EDA: variants seen among roughly 807,000 people sequenced by gnomAD.
EDA encodes the protein ectodysplasin A, also known as ectodysplasin-A.
In EDA, 2 loss-of-function variants were observed where a neutral mutation model predicts 23.6. The observed-to-expected ratio is 0.08, with a 90% confidence interval of 0.03 to 0.27. The LOEUF is 0.27. EDA is among the 10% of genes least tolerant of loss of function. The probability of loss-of-function intolerance (pLI) is 1.00; values close to 1 mark genes in which losing one functional copy is unlikely to be tolerated. For missense variants in EDA, 229 were observed against 324.2 expected (o/e 0.71, Z 2.26); for synonymous variants, 131 against 132.0 (o/e 0.99, Z 0.05).
At chrX:69,729,779 T>C (rs2012951564) in intron 1 of EDA, among the ~76,000 whole-genome samples, 1 of 111,189 alleles carries the variant, frequency 9.0e-6, no homozygotes, top group African/African-American at 3.3e-5. Context: ...CTTGGGATCT[T>C]TGCACTTTCT....
chrX:69,753,057 T>A (rs1460235262), intron 1 of EDA, among the ~76,000 whole-genome samples: 1 of 111,980 alleles, frequency 8.9e-6, no homozygotes, highest in African/African-American at 3.2e-5. Context: ...TTTGAAGGGT[T>A]TTTTGTGTCT....
chrX:69,844,006 A>G (rs2147564639), intron 1 of EDA, among the ~76,000 whole-genome samples: 1 of 85,219 alleles, frequency 1.2e-5, no homozygotes, highest in African/African-American at 4.2e-5. Context: ...TGGGCGACAG[A>G]GCAAGACTCT....
Position 69,741,035 on chromosome X carries a change from T to C in EDA, c.396+124331T>C, listed in dbSNP as rs765008235. Among the ~76,000 whole-genome samples, 8 of 109,599 alleles carry C rather than the reference T, an allele frequency of 7.3e-5. 1 individual carries two copies. The South Asian group carries it at 3.0e-3, about 42-fold the overall frequency. On this transcript the variant is annotated intron_variant, in intron 1 of 7. Coordinates refer to ENST00000374552, the MANE Select transcript of EDA (RefSeq NM_001399.5). ...TATAGAAAATATATATGTAATATAT[T>C]ATATGCAATTTCTGTGTATTATTGG...
At position 70,035,351 on chromosome X, in the gene EDA, C is replaced by A; in HGVS notation, c.925-7C>A. The A allele has an allele frequency of 8.3e-7, 1 of 1,208,169 alleles. No individual in the cohort carries two copies. Among genetic ancestry groups the A allele is most frequent in the Non-Finnish European group, 1.1e-6 (1 of 893,916 alleles). Reference sequence around the variant, plus strand: ...TCCCCAATCCCTTCTTGTTGCCTCTCACTCAGGTATACTACATCAACTTCA... The same window carrying A: ...TCCCCAATCCCTTCTTGTTGCCTCTAACTCAGGTATACTACATCAACTTCA... On this transcript the variant is annotated splice_region_variant and splice_polypyrimidine_tract_variant and intron_variant, in intron 7 of 7. Transcript: ENST00000374552.
intron 1 of EDA, among the ~76,000 whole-genome samples, chrX:69,904,708 T>G (rs772791324): frequency 8.9e-6 from 1 of 112,171 alleles, no homozygotes; most frequent in South Asian, 3.7e-4. Context: ...GGTAACCAGA[T>G]CATTTTACTC....
Position 69,829,858 on chromosome X carries a change from T to C in EDA, c.397-127169T>C, listed in dbSNP as rs1051214707. 6.2e-5 allele frequency among the ~76,000 whole-genome samples: 7 copies of C among 112,183 alleles called. No homozygotes were observed. In the East Asian group the frequency reaches 1.9e-3, roughly 31 times the overall value. On this transcript the variant is annotated intron_variant, in intron 1 of 7. Transcript: ENST00000374552. ...AATTTCATTCATTATATGTGGGTGCTATATTAACATCAAACCACATTTCTC... is the reference window on the plus strand; with the variant it reads ...AATTTCATTCATTATATGTGGGTGCCATATTAACATCAAACCACATTTCTC...
At chrX:69,923,880 C>T (rs755971494) in intron 1 of EDA, among the ~76,000 whole-genome samples, 38 of 111,555 alleles carry the variant, frequency 3.4e-4, no homozygotes, top group Non-Finnish European at 6.0e-4. Context: ...GGCATGAGAT[C>T]GTATCTCATT....
chrX:69,709,406 A>T (rs2011875450), intron 1 of EDA, among the ~76,000 whole-genome samples: 1 of 111,790 alleles, frequency 8.9e-6, no homozygotes, highest in Admixed American at 9.5e-5. Context: ...GTCAGTCTTG[A>T]GTATGGTCTT....
chrX:69,787,875 C>A (rs1411070094), intron 1 of EDA, among the ~76,000 whole-genome samples: 1 of 111,608 alleles, frequency 9.0e-6, no homozygotes, highest in Non-Finnish European at 1.9e-5. Flanking sequence ...TGGATAATAT[C>A]CTGCAGAGTG....
chrX:69,703,616 A>G (rs1387456231), intron 1 of EDA, among the ~76,000 whole-genome samples: 1 of 111,972 alleles, frequency 8.9e-6, no homozygotes, highest in Non-Finnish European at 1.9e-5. Flanking sequence ...CTGTAAACAG[A>G]AAGTGTCTCA....
At chrX:70,023,177 C>A in intron 2 of EDA, 41 bp from the exon 3 acceptor site, 2 of 925,873 alleles carry the variant, frequency 2.2e-6, no homozygotes, top group South Asian at 4.2e-5. Flanking sequence ...ATTTTCTGTT[C>A]ATTTCCAATG....
intron 1 of EDA, among the ~76,000 whole-genome samples, chrX:69,785,622 C>T (rs1271323721): frequency 2.7e-5 from 3 of 110,377 alleles, no homozygotes; most frequent in Non-Finnish European, 5.7e-5. Flanking sequence ...TTGAACCAGC[C>T]TTGCATCCCA....
At chrX:69,679,915 G>A (rs1346458546) in intron 1 of EDA, among the ~76,000 whole-genome samples, 2 of 104,390 alleles carry the variant, frequency 1.9e-5, no homozygotes, top group Non-Finnish European at 3.9e-5. Flanking sequence ...GTGATGTTAG[G>A]GTGTCAATTT....
chrX:69,924,016 G>T (rs1370685233), intron 1 of EDA, among the ~76,000 whole-genome samples: 1 of 110,751 alleles, frequency 9.0e-6, no homozygotes. Context: ...TTCTGATTGG[G>T]GTTGTTTTTT....
intron 1 of EDA, among the ~76,000 whole-genome samples, chrX:69,662,593 G>A (rs1022519099): frequency 2.8e-4 from 31 of 112,161 alleles, no homozygotes; most frequent in African/African-American, 9.4e-4. Context: ...AATTGGCACC[G>A]AGGTAGTGGG....
At chrX:69,661,537 AG>A (rs770120307) in intron 1 of EDA, among the ~76,000 whole-genome samples, 8 of 111,344 alleles carry the variant, frequency 7.2e-5, no homozygotes, top group Admixed American at 2.9e-4. Context: ...GGTGTAAGGA[AG>A]GGATCCAGTT....
intron 1 of EDA, among the ~76,000 whole-genome samples, chrX:69,944,386 G>A (rs2018805492): frequency 8.9e-6 from 1 of 111,878 alleles, no homozygotes; most frequent in Non-Finnish European, 1.9e-5. Context: ...CAGTCAGCAG[G>A]TGATGGATTC....
intron 1 of EDA, among the ~76,000 whole-genome samples, chrX:69,954,595 G>A (rs965014754): frequency 3.6e-5 from 4 of 111,860 alleles, no homozygotes; most frequent in Non-Finnish European, 7.5e-5. Flanking sequence ...CTTTTTTATT[G>A]CATTATACTA....
chrX:69,819,496 G>A (rs1241507339), intron 1 of EDA, among the ~76,000 whole-genome samples: 1 of 112,021 alleles, frequency 8.9e-6, no homozygotes, highest in Non-Finnish European at 1.9e-5. Context: ...AAGCCCAAAC[G>A]CTGCTTAAGC....
Sources: allele counts gnomAD v4.1 joint callset (sites outside exome capture counted in the v4.1 genomes callset), GRCh38; gene constraint gnomAD v4.1.1; transcripts MANE v1.5; gene names NCBI Gene and HGNC (gene_info 2026-07-23, HGNC 2026-07-21).